Variants in OSBPL3 observed in about 807,000 individuals in gnomAD.
The protein encoded by OSBPL3 is oxysterol binding protein like 3, also known as oxysterol-binding protein-related protein 3.
Under a neutral mutation model 120.1 loss-of-function variants are expected in OSBPL3, and 65 were observed. The observed-to-expected ratio is 0.54, with a 90% CI of 0.44 to 0.67. OSBPL3 has a LOEUF of 0.67. Among genes scored for constraint, OSBPL3 ranks in the 30% least tolerant of loss-of-function variants. The pLI, the probability that OSBPL3 is intolerant of heterozygous loss-of-function variation, is 0.00. For synonymous variants in OSBPL3, 416 were observed against 402.6 expected, an observed-to-expected ratio of 1.03 and a Z score of -0.40; for missense variants, 1,004 against 1,082.1, an observed-to-expected ratio of 0.93 and a Z score of 1.01.
At chr7:24,861,136 T>C (rs1020435757) in intron 10 of OSBPL3, among the ~76,000 whole-genome samples, 1 of 152,350 alleles carries the variant, frequency 6.6e-6, no homozygotes, top group African/African-American at 2.4e-5. Flanking sequence ...TGTGTAGTGA[T>C]ATCTCATCAT....
Position 24,820,197 on chromosome 7 carries a change from A to T in OSBPL3, c.1926T>A (p.Ser642=), listed in dbSNP as rs771714490. The T allele has an allele frequency of 1.9e-6, 3 of 1,612,314 alleles. No homozygotes were observed. Among genetic ancestry groups the T allele is most frequent in the Non-Finnish European group, 2.5e-6 (3 of 1,178,670 alleles). The change falls in exon 17 of 23, where the codon TCT becomes TCA. Residue 642 remains serine (S), a synonymous_variant. Coordinates refer to ENST00000313367, the MANE Select transcript of OSBPL3 (RefSeq NM_015550.4). The surrounding 1 kb of genome is among the most constrained non-coding windows in gnomAD (Gnocchi z 4.6). Reference sequence around the variant, plus strand: ...TACCTTGCCAGAAAACAAAATTTCTAGACTCAGCATGACACGCAGAGATAG... The same window carrying T: ...TACCTTGCCAGAAAACAAAATTTCTTGACTCAGCATGACACGCAGAGATAG... The part of the protein sequence containing the change: ...HPPISACHAE[S]RNFVFWQDVR...
In OSBPL3 at chr7:24,840,980, C is replaced by T. The variant is rs113676533; in HGVS notation, c.1402-197G>A. Reference sequence around the variant, plus strand: ...AACACCTGTTCTTAAAATTCTTACACATTCCGAATTAGTTCTCACAAGGAA... The same window carrying T: ...AACACCTGTTCTTAAAATTCTTACATATTCCGAATTAGTTCTCACAAGGAA... On this transcript the variant is annotated intron_variant, in intron 13 of 22. Transcript: ENST00000313367. 3.6e-3 allele frequency among the ~76,000 whole-genome samples: 545 copies of T among 152,314 alleles called. 3 individuals are homozygous for T. The highest frequency in any genetic ancestry group is 0.012 in the African/African-American group (507 of 41,560).
intron 2 of OSBPL3, among the ~76,000 whole-genome samples, chr7:24,887,088 T>C (rs145874299): frequency 0.013 from 2,047 of 152,284 alleles, 48 homozygotes; most frequent in African/African-American, 0.047. Context: ...AAGCAATAAA[T>C]AAAAATTCTT....
rs773381078 is a variant in OSBPL3 at position 24,842,372 on chromosome 7, A to G, written c.1308T>C (p.Leu436=). The part of the protein sequence containing the change: ...RDENRALVHQ[L]SNESRLSITD... ...TGATGGAGAGTCTACTTTCATTAGAAAGCTGATGAACTAGAGCTCGGTTTT... is the reference window on the plus strand; with the variant it reads ...TGATGGAGAGTCTACTTTCATTAGAGAGCTGATGAACTAGAGCTCGGTTTT... The change falls in exon 13 of 23, where the codon CTT becomes CTC. Residue 436 remains leucine, a synonymous_variant. Transcript: ENST00000313367. The G allele has an allele frequency of 3.7e-6, 6 of 1,612,372 alleles. No homozygotes were observed. Among genetic ancestry groups the G allele is most frequent in the Non-Finnish European group, 5.1e-6 (6 of 1,179,096 alleles).
chr7:24,828,477 A>G (rs537964070), intron 16 of OSBPL3, among the ~76,000 whole-genome samples: 2 of 151,992 alleles, frequency 1.3e-5, no homozygotes, highest in African/African-American at 4.8e-5. Context: ...GCATGGTGGC[A>G]CAAGCCTGTA....
intron 14 of OSBPL3, among the ~76,000 whole-genome samples, chr7:24,837,393 A>G (rs1797139745): frequency 6.6e-6 from 1 of 151,896 alleles, no homozygotes; most frequent in South Asian, 2.1e-4. Flanking sequence ...TTTTAGAGAC[A>G]GGATCTTGCT....
chr7:24,814,244 G>C (rs374835806), intron 19 of OSBPL3, among the ~76,000 whole-genome samples: 2 of 151,988 alleles, frequency 1.3e-5, no homozygotes, highest in Non-Finnish European at 2.9e-5. Flanking sequence ...GGAAAAAGAG[G>C]GAGGAAAAAG....
intron 1 of OSBPL3, among the ~76,000 whole-genome samples, chr7:24,934,853 T>A (rs1325944404): frequency 6.6e-6 from 1 of 152,208 alleles, no homozygotes; most frequent in Non-Finnish European, 1.5e-5. Flanking sequence ...CCAGAAATTA[T>A]AATTTTGCTG....
chr7:24,954,070 T>C (rs1470592641), intron 1 of OSBPL3, among the ~76,000 whole-genome samples: 3 of 152,164 alleles, frequency 2.0e-5, no homozygotes, highest in East Asian at 3.8e-4. Flanking sequence ...TTTCATGATA[T>C]TCCACTCTTC....
At chr7:24,926,855 G>T (rs1811116850) in intron 1 of OSBPL3, among the ~76,000 whole-genome samples, 1 of 152,146 alleles carries the variant, frequency 6.6e-6, no homozygotes, top group East Asian at 1.9e-4. Context: ...CAAAACACCT[G>T]TCATATGATA....
chr7:24,804,815 C>A lies in OSBPL3; in HGVS notation c.2445-378G>T, dbSNP rs1224296064. On this transcript the variant is annotated intron_variant, in intron 21 of 22. Transcript: ENST00000313367. This position sits in a 1 kb window ranked among gnomAD's most constrained non-coding sequence, Gnocchi z 5.4. ...TTAACACATATTCTTATCCCTCCCT[C>A]CGTTTAAAAAATATAAATGGTAGCA... 6.6e-6 allele frequency among the ~76,000 whole-genome samples: 1 copy of A among 152,182 alleles called. No individual in the cohort carries two copies. Among genetic ancestry groups the A allele is most frequent in the Non-Finnish European group, 1.5e-5 (1 of 68,042 alleles).
intron 5 of OSBPL3, among the ~76,000 whole-genome samples, chr7:24,869,633 T>TC (rs1162948553): frequency 6.6e-6 from 1 of 152,150 alleles, no homozygotes; most frequent in African/African-American, 2.4e-5. Flanking sequence ...AAAGTCGGCC[T>TC]CCCACACCAA....
intron 2 of OSBPL3, among the ~76,000 whole-genome samples, chr7:24,887,755 A>C (rs1180745506): frequency 6.6e-5 from 10 of 152,160 alleles, no homozygotes; most frequent in Non-Finnish European, 1.2e-4. Context: ...CACAGCTAAA[A>C]ACACGGCAAT....
intron 2 of OSBPL3, among the ~76,000 whole-genome samples, chr7:24,880,650 A>C (rs1803546185): frequency 6.6e-6 from 1 of 152,150 alleles, no homozygotes; most frequent in Non-Finnish European, 1.5e-5. Flanking sequence ...TGAAGAAGTC[A>C]TTTACCCAGC....
rs564788542 is a variant in OSBPL3, at chr7:24,813,651, G to C, written c.2172+1408C>G. ...AAGACCCCAATCCACCTCTTCCTAA[G>C]TATTCCCTATAGGTTACAGGTGGTG... On this transcript the variant is annotated intron_variant, in intron 19 of 22. Coordinates refer to ENST00000313367, the MANE Select transcript of OSBPL3 (RefSeq NM_015550.4). The surrounding 1 kb of genome is among the most constrained non-coding windows in gnomAD (Gnocchi z 4.5). Among the ~76,000 whole-genome samples, 7 of 152,152 alleles carry C rather than the reference G, an allele frequency of 4.6e-5. No homozygotes were observed. Among genetic ancestry groups the C allele is most frequent in the Non-Finnish European group, 7.3e-5 (5 of 68,034 alleles).
chr7:24,865,570 C>A (rs10275368), intron 6 of OSBPL3, 105 bp from the exon 7 acceptor site: 104 of 1,105,104 alleles, frequency 9.4e-5, no homozygotes, highest in Non-Finnish European at 1.3e-4. Flanking sequence ...TGGACACCAT[C>A]TGCCTATAAT....
rs1297571624 is a variant in OSBPL3, at chr7:24,833,267, C to G, written c.1746+1219G>C. Among the ~76,000 whole-genome samples, 1 of 152,128 alleles carries G rather than the reference C, an allele frequency of 6.6e-6. No individual in the cohort carries two copies. Among genetic ancestry groups the G allele is most frequent in the Admixed American group, 6.5e-5 (1 of 15,272 alleles). Reference sequence around the variant, plus strand: ...CCTGTAATCCCAGCATTTTGGGAGGCCAGGGCAGGAGGGTTGCTTGAGTCT... The same window carrying G: ...CCTGTAATCCCAGCATTTTGGGAGGGCAGGGCAGGAGGGTTGCTTGAGTCT... On this transcript the variant is annotated intron_variant, in intron 15 of 22. Coordinates refer to ENST00000313367, the MANE Select transcript of OSBPL3 (RefSeq NM_015550.4). This position sits in a 1 kb window ranked among gnomAD's most constrained non-coding sequence, Gnocchi z 4.4.
chr7:24,946,585 G>A lies in OSBPL3; in HGVS notation c.-150+33301C>T, dbSNP rs139329043. 3.3e-5 allele frequency among the ~76,000 whole-genome samples: 5 copies of A among 152,216 alleles called. No homozygotes were observed. The highest frequency in any genetic ancestry group is 7.2e-5 in the African/African-American group (3 of 41,534). On this transcript the variant is annotated intron_variant, in intron 1 of 22. Transcript: ENST00000313367. The surrounding 1 kb of genome is among the most constrained non-coding windows in gnomAD (Gnocchi z 4.3). Reference sequence around the variant, plus strand: ...ACAAGTATCTTGTTTTGTTGAATACGCTAAGCTTAACTGAATTATTAGCCT... The same window carrying A: ...ACAAGTATCTTGTTTTGTTGAATACACTAAGCTTAACTGAATTATTAGCCT...
intron 6 of OSBPL3, among the ~76,000 whole-genome samples, chr7:24,865,671 G>C (rs761108753): frequency 9.2e-5 from 14 of 152,104 alleles, no homozygotes; most frequent in Non-Finnish European, 2.1e-4. Context: ...CTTGAATGGT[G>C]GACCTAATTT....
Sources: allele counts gnomAD v4.1 joint callset (sites outside exome capture counted in the v4.1 genomes callset), GRCh38; gene constraint gnomAD v4.1.1; non-coding constraint Gnocchi (gnomAD v3.1); transcripts MANE v1.5; gene names NCBI Gene and HGNC (gene_info 2026-07-23, HGNC 2026-07-21).